The following AGAP1 variants were observed in gnomAD, a reference collection of about 807,000 sequenced individuals.
The protein encoded by AGAP1 is ArfGAP with GTPase domain, ankyrin repeat and PH domain 1.
Under a neutral mutation model 105.3 loss-of-function variants are expected in AGAP1, and 29 were observed. The observed-to-expected ratio is 0.28, with a 90% CI of 0.21 to 0.38. The LOEUF (loss-of-function observed/expected upper bound fraction) is 0.38. Ranked by LOEUF, AGAP1 falls within the 10% of genes least tolerant of loss-of-function variation. AGAP1 has a pLI of 1.00. For missense variants in AGAP1, 998 were observed against 1,165.1 expected (o/e 0.86, Z 2.09); for synonymous variants, 509 against 485.9 (o/e 1.05, Z -0.63).
At chr2:235,678,942 C>G (rs1331887333) in intron 1 of AGAP1, among the ~76,000 whole-genome samples, 1 of 152,192 alleles carries the variant, frequency 6.6e-6, no homozygotes, top group African/African-American at 2.4e-5. Flanking sequence ...GTCTTCTGGG[C>G]ATCCAGATGG....
chr2:235,735,624 T>C (rs1034351365), intron 3 of AGAP1, among the ~76,000 whole-genome samples: 9 of 151,620 alleles, frequency 5.9e-5, no homozygotes, highest in Admixed American at 4.0e-4. Context: ...CCTGGTGCGC[T>C]GTTCATTCAC....
rs1328742284 is a variant in AGAP1, at chr2:236,012,423, G to C, written c.1646-24138G>C. 6.6e-6 allele frequency among the ~76,000 whole-genome samples: 1 copy of C among 152,096 alleles called. No homozygotes were observed. Among genetic ancestry groups the C allele is most frequent in the Non-Finnish European group, 1.5e-5 (1 of 68,016 alleles). ...TTGCGAAATACTGTCCCAGACACCA[G>C]AGCTGCAGCAGTTAAAAATTAAGCC... On this transcript the variant is annotated intron_variant, in intron 13 of 17. Transcript: ENST00000304032. This position sits in a 1 kb window ranked among gnomAD's most constrained non-coding sequence, Gnocchi z 4.9.
intron 9 of AGAP1, among the ~76,000 whole-genome samples, chr2:235,850,512 C>A (rs1177157727): frequency 6.6e-6 from 1 of 152,190 alleles, no homozygotes; most frequent in African/African-American, 2.4e-5. Flanking sequence ...TGTCCATGCA[C>A]CTTGGTGGAG....
At chr2:235,568,358 C>T (rs1405489648) in intron 1 of AGAP1, among the ~76,000 whole-genome samples, 1 of 152,190 alleles carries the variant, frequency 6.6e-6, no homozygotes, top group Non-Finnish European at 1.5e-5. Context: ...GCATGGACGC[C>T]CGTTCTCTTA....
chr2:235,831,211 G>A (rs898488899), intron 9 of AGAP1, among the ~76,000 whole-genome samples: 2 of 147,808 alleles, frequency 1.4e-5, no homozygotes, highest in East Asian at 2.0e-4. Context: ...AACAGTAAAC[G>A]TTCTTTTTTA....
intron 1 of AGAP1, among the ~76,000 whole-genome samples, chr2:235,619,410 G>T (rs112610169): frequency 2.7e-5 from 4 of 149,806 alleles, no homozygotes; most frequent in African/African-American, 9.8e-5. Flanking sequence ...CAATCCTGGG[G>T]CTGAAGTAGG....
At chr2:235,558,499 T>C (rs1944044025) in intron 1 of AGAP1, among the ~76,000 whole-genome samples, 1 of 152,140 alleles carries the variant, frequency 6.6e-6, no homozygotes, top group South Asian at 2.1e-4. Context: ...TTCCAGAATG[T>C]TCTCATGTCT....
At chr2:235,995,900 G>GTAACAC in intron 13 of AGAP1, among the ~76,000 whole-genome samples, 1 of 152,072 alleles carries the variant, frequency 6.6e-6, no homozygotes, top group African/African-American at 2.4e-5. Flanking sequence ...GGAGGTCATT[G>GTAACAC]TGCAGTGGGT....
intron 1 of AGAP1, among the ~76,000 whole-genome samples, chr2:235,707,627 G>A (rs113472526): frequency 0.059 from 7,761 of 131,652 alleles, 1,108 homozygotes; most frequent in African/African-American, 0.22. Flanking sequence ...TTGGTGGGAC[G>A]TGCTCCCCAG....
At position 235,843,571 on chromosome 2, in the gene AGAP1, A is replaced by G. The variant is rs1242684422; in HGVS notation, c.1050+36240A>G. Among the ~76,000 whole-genome samples the G allele has an allele frequency of 6.6e-6, 1 of 152,052 alleles. No individual in the cohort carries two copies. The highest frequency in any genetic ancestry group is 1.5e-5 in the Non-Finnish European group (1 of 68,020). ...CCTTCGTTCCCCATTTGCAGCCTCT[A>G]GGTGCCCTGTCTTGGCCAGCAGCAC... On this transcript the variant is annotated intron_variant, in intron 9 of 17. Coordinates refer to ENST00000304032, the MANE Select transcript of AGAP1 (RefSeq NM_001037131.3). This position sits in a 1 kb window ranked among gnomAD's most constrained non-coding sequence, Gnocchi z 5.9.
intron 6 of AGAP1, among the ~76,000 whole-genome samples, chr2:235,759,971 T>A (rs1384005224): frequency 1.3e-5 from 2 of 152,226 alleles, no homozygotes; most frequent in African/African-American, 4.8e-5. Flanking sequence ...AAAATTAGTT[T>A]GGGTTGAAAA....
In AGAP1 at chr2:235,872,584, C is replaced by T. The variant is rs918184378; in HGVS notation, c.1051-10761C>T. ...CATCTTCTGGCCAGTAGGATCACGG[C>T]TTCATGTCCTCTAAAAGTTTCAAAT... On this transcript the variant is annotated intron_variant, in intron 9 of 17. Transcript: ENST00000304032. This position sits in a 1 kb window ranked among gnomAD's most constrained non-coding sequence, Gnocchi z 4.5. 6.6e-6 allele frequency among the ~76,000 whole-genome samples: 1 copy of T among 152,190 alleles called. No homozygotes were observed. Among genetic ancestry groups the T allele is most frequent in the African/African-American group, 2.4e-5 (1 of 41,450 alleles).
rs572593558 is a variant in AGAP1 at position 235,538,569 on chromosome 2, C to T, written c.163+43720C>T. 3.9e-5 allele frequency among the ~76,000 whole-genome samples: 6 copies of T among 152,042 alleles called. No individual in the cohort carries two copies. The East Asian group carries it at 1.2e-3, about 30-fold the overall frequency. Reference sequence around the variant, plus strand: ...CATAGGTTTCCGCACGCCTTGCTGTCTCCTCCTTGTTGCAGGCATGGAGCA... The same window carrying T: ...CATAGGTTTCCGCACGCCTTGCTGTTTCCTCCTTGTTGCAGGCATGGAGCA... On this transcript the variant is annotated intron_variant, in intron 1 of 17. Transcript: ENST00000304032.
intron 13 of AGAP1, among the ~76,000 whole-genome samples, chr2:236,011,523 T>C (rs1001734079): frequency 1.3e-5 from 2 of 152,212 alleles, no homozygotes; most frequent in African/African-American, 2.4e-5. Flanking sequence ...AAAGAGACTT[T>C]TGCTTACGCA....
intron 1 of AGAP1, among the ~76,000 whole-genome samples, chr2:235,508,824 G>C (rs1336807625): frequency 2.0e-5 from 3 of 152,242 alleles, no homozygotes; most frequent in African/African-American, 7.2e-5. Flanking sequence ...CTTTCCCCCT[G>C]TGCTGTAATT....
chr2:235,750,214 C>T lies in AGAP1; in HGVS notation c.539-140C>T, dbSNP rs1213700125. On this transcript the variant is annotated intron_variant, in intron 5 of 17. Transcript: ENST00000304032. This position sits in a 1 kb window ranked among gnomAD's most constrained non-coding sequence, Gnocchi z 5.3. ...TTGAGTCTCTTAGTTGGGAGGCAAA[C>T]GATGCTCTACAATTCCAGATTCATA... The T allele has an allele frequency of 8.1e-6, 10 of 1,239,968 alleles. No homozygotes were observed. Among genetic ancestry groups the T allele is most frequent in the Admixed American group, 6.3e-5 (3 of 47,776 alleles). 76.8% of individuals were successfully genotyped at this position (1,239,968 alleles called of 1,614,324 possible). A position where few individuals can be genotyped will look rare whatever the true frequency, so the allele number is the denominator to read the frequency against.
intron 1 of AGAP1, among the ~76,000 whole-genome samples, chr2:235,696,628 G>A (rs750911683): frequency 8.5e-5 from 13 of 152,162 alleles, no homozygotes; most frequent in Non-Finnish European, 1.8e-4. Flanking sequence ...CAACCTGATG[G>A]GCAGGATTTG....
Position 236,109,187 on chromosome 2 carries a change from T to C in AGAP1, c.2115-11005T>C, listed in dbSNP as rs2059582813. The stretch of plus-strand genomic sequence containing the variant: ...GAGGTCTTGGTCTATGCTTTGCTCA[T>C]CACTGACAAGGATTTGCCAGTGCAT... On this transcript the variant is annotated intron_variant, in intron 16 of 17. Coordinates refer to ENST00000304032, the MANE Select transcript of AGAP1 (RefSeq NM_001037131.3). The surrounding 1 kb of genome is among the most constrained non-coding windows in gnomAD (Gnocchi z 5.4). Among the ~76,000 whole-genome samples the C allele has an allele frequency of 6.6e-6, 1 of 152,176 alleles. No individual in the cohort carries two copies. Among genetic ancestry groups the C allele is most frequent in the Non-Finnish European group, 1.5e-5 (1 of 68,028 alleles).
rs1392898309 is a variant in AGAP1, at chr2:236,044,704, C to A, written c.1891+3863C>A. ...GGCCCACAAATAGAACCTCCGGTCC[C>A]GCAACGTCGGGTCTCCTTCCCATTG... On this transcript the variant is annotated intron_variant, in intron 15 of 17. Transcript: ENST00000304032. This position sits in a 1 kb window ranked among gnomAD's most constrained non-coding sequence, Gnocchi z 5.7. Among the ~76,000 whole-genome samples, 1 of 152,100 alleles carries A rather than the reference C, an allele frequency of 6.6e-6. No homozygotes were observed. Among genetic ancestry groups the A allele is most frequent in the Admixed American group, 6.6e-5 (1 of 15,262 alleles).
Sources: allele counts gnomAD v4.1 joint callset (sites outside exome capture counted in the v4.1 genomes callset), GRCh38; gene constraint gnomAD v4.1.1; non-coding constraint Gnocchi (gnomAD v3.1); transcripts MANE v1.5; gene names NCBI Gene and HGNC (gene_info 2026-07-23, HGNC 2026-07-21).